The following WNT2 variants were observed in gnomAD, a reference collection of about 807,000 sequenced individuals.
WNT2 encodes protein Wnt-2.
Under a neutral mutation model 36.9 loss-of-function variants are expected in WNT2, and 12 were observed. That is an observed-to-expected ratio of 0.33 (90% confidence interval 0.21 to 0.53). The LOEUF (loss-of-function observed/expected upper bound fraction) is 0.53. Ranked by LOEUF, WNT2 falls within the 20% of genes least tolerant of loss-of-function variation. WNT2 has a pLI of 0.95. For missense variants in WNT2, 379 were observed against 473.1 expected (o/e 0.80, Z 1.84); for synonymous variants, 163 against 174.6 (o/e 0.93, Z 0.52).
intron 3 of WNT2, among the ~76,000 whole-genome samples, chr7:117,304,310 A>G (rs891468828): frequency 6.6e-6 from 1 of 151,680 alleles, no homozygotes; most frequent in Admixed American, 6.6e-5. Context: ...TTTACTTTGT[A>G]TTTTTTCCCC....
intron 3 of WNT2, among the ~76,000 whole-genome samples, chr7:117,303,301 A>G (rs1311213682): frequency 1.3e-5 from 2 of 152,190 alleles, no homozygotes; most frequent in Non-Finnish European, 2.9e-5. Context: ...CATTTCTAAG[A>G]ACGGGGAAAT....
chr7:117,288,831 G>A (rs965820788), intron 4 of WNT2, among the ~76,000 whole-genome samples: 1 of 151,860 alleles, frequency 6.6e-6, no homozygotes, highest in Non-Finnish European at 1.5e-5. Context: ...TACTAAGTTT[G>A]TATTTTAAAA....
At position 117,320,598 on chromosome 7, in the gene WNT2, A is replaced by G. The variant is rs1351823714; in HGVS notation, c.279T>C (p.Asp93=). 1.9e-6 allele frequency: 3 copies of G among 1,613,760 alleles called. No individual in the cohort carries two copies. Among genetic ancestry groups the G allele is most frequent in the Non-Finnish European group, 2.5e-6 (3 of 1,179,942 alleles). ...GTAGGACCCTGCCAAAAAGGCTGTGATCCCTGTCCAGGGTGTTGCAATTCC... is the reference window on the plus strand; with the variant it reads ...GTAGGACCCTGCCAAAAAGGCTGTGGTCCCTGTCCAGGGTGTTGCAATTCC... ...HRWNCNTLDR[D]HSLFGRVLLR... is the part of the protein sequence containing the mutation. The change falls in exon 2 of 5, where the codon GAT becomes GAC. Residue 93 remains aspartate (D), a synonymous_variant. Coordinates refer to ENST00000265441, the MANE Select transcript of WNT2 (RefSeq NM_003391.3).
At chr7:117,316,925 A>G (rs1795231629) in intron 2 of WNT2, among the ~76,000 whole-genome samples, 1 of 152,264 alleles carries the variant, frequency 6.6e-6, no homozygotes, top group African/African-American at 2.4e-5. Context: ...GGCGACTAAT[A>G]CATGCTAATG....
chr7:117,280,556 C>T (rs1794463017), intron 4 of WNT2, among the ~76,000 whole-genome samples: 1 of 152,150 alleles, frequency 6.6e-6, no homozygotes, highest in Admixed American at 6.5e-5. Flanking sequence ...ACCCACAGTA[C>T]AGTCATGTGC....
intron 2 of WNT2, among the ~76,000 whole-genome samples, chr7:117,320,178 A>G (rs1341698320): frequency 6.6e-6 from 1 of 152,356 alleles, no homozygotes; most frequent in South Asian, 2.1e-4. Context: ...TGAAGATTCT[A>G]TGCTGATGAT....
intron 3 of WNT2, among the ~76,000 whole-genome samples, chr7:117,308,265 G>A (rs1795049760): frequency 6.6e-6 from 1 of 152,162 alleles, no homozygotes; most frequent in African/African-American, 2.4e-5. Context: ...CTTGAGCACT[G>A]TCATTCTTTA....
At chr7:117,301,802 CTTT>C (rs1181700612) in intron 3 of WNT2, among the ~76,000 whole-genome samples, 1 of 112,514 alleles carries the variant, frequency 8.9e-6, no homozygotes, top group Admixed American at 9.1e-5. Context: ...TCCCTCCATT[CTTT>C]TTTTTTTTTT....
At chr7:117,289,051 CTTTT>C (rs1187027317) in intron 4 of WNT2, among the ~76,000 whole-genome samples, 1,547 of 89,194 alleles carry the variant, frequency 0.017, 8 homozygotes, top group Non-Finnish European at 0.026. Context: ...TCACGTTAGA[CTTTT>C]TTTTTTTTTT....
intron 3 of WNT2, among the ~76,000 whole-genome samples, chr7:117,304,756 C>T (rs1026392671): frequency 3.9e-5 from 6 of 152,108 alleles, no homozygotes; most frequent in Admixed American, 3.3e-4. Flanking sequence ...TTTTTAATGG[C>T]ATTCTAATTA....
At chr7:117,290,427 T>A (rs1794668088) in intron 4 of WNT2, among the ~76,000 whole-genome samples, 1 of 152,174 alleles carries the variant, frequency 6.6e-6, no homozygotes, top group South Asian at 2.1e-4. Context: ...GAAGGCTCAA[T>A]GGATAGTAAT....
At chr7:117,319,021 C>T (rs1466519501) in intron 2 of WNT2, among the ~76,000 whole-genome samples, 2 of 152,126 alleles carry the variant, frequency 1.3e-5, no homozygotes, top group African/African-American at 2.4e-5. Context: ...ATGATCATTT[C>T]ATAAATGAGA....
chr7:117,316,287 C>T (rs1289329936), intron 2 of WNT2, among the ~76,000 whole-genome samples: 1 of 152,160 alleles, frequency 6.6e-6, no homozygotes, highest in Non-Finnish European at 1.5e-5. Flanking sequence ...TCTGTAGTAA[C>T]TCATAACACG....
intron 4 of WNT2, among the ~76,000 whole-genome samples, chr7:117,292,416 C>T (rs929681415): frequency 2.0e-5 from 3 of 152,040 alleles, no homozygotes; most frequent in East Asian, 1.9e-4. Context: ...AGTAACTTTG[C>T]GGAACCTCAC....
chr7:117,286,006 C>T (rs550698941), intron 4 of WNT2, among the ~76,000 whole-genome samples: 3 of 152,082 alleles, frequency 2.0e-5, no homozygotes, highest in South Asian at 2.1e-4. Flanking sequence ...CAGGCAAAGT[C>T]GTTAAGGTTT....
intron 3 of WNT2, among the ~76,000 whole-genome samples, chr7:117,298,930 C>T (rs920291487): frequency 2.0e-5 from 3 of 152,190 alleles, no homozygotes; most frequent in Non-Finnish European, 2.9e-5. Flanking sequence ...CTCCCCAGGT[C>T]GGGCCTTGGC....
chr7:117,322,932 T>A lies in WNT2; in HGVS notation c.58A>T (p.Thr20Ser). 6.2e-7 allele frequency: 1 copy of A among 1,612,884 alleles called. No homozygotes were observed. The highest frequency in any genetic ancestry group is 8.5e-7 in the Non-Finnish European group (1 of 1,179,792). ...CACCATGAAGAGTTGACCTCGGGGG[T>A]GAGCCAGGTCAAGAGCAGAGGGAGC... is the stretch of plus-strand genomic sequence containing the variant. ...LWLPLLLTWL[T>S]PEVNSSWWYM... The change falls in exon 1 of 5, where the codon ACC (threonine) becomes TCC (serine). Residue 20 changes from threonine (T) to serine (S), a missense_variant. Transcript: ENST00000265441. This position sits in a 1 kb window ranked among gnomAD's most constrained non-coding sequence, Gnocchi z 5.4.
intron 3 of WNT2, among the ~76,000 whole-genome samples, chr7:117,309,079 G>T (rs1266736364): frequency 6.6e-6 from 1 of 151,916 alleles, no homozygotes; most frequent in South Asian, 2.1e-4. Flanking sequence ...TGTGGTTTGA[G>T]CTCCTTGGGA....
chr7:117,286,694 TAG>T (rs1425897510), intron 4 of WNT2, among the ~76,000 whole-genome samples: 1 of 152,146 alleles, frequency 6.6e-6, no homozygotes, highest in Admixed American at 6.5e-5. Context: ...GAGCAAATGT[TAG>T]AGACCGCACA....
Sources: allele counts gnomAD v4.1 joint callset (sites outside exome capture counted in the v4.1 genomes callset), GRCh38; gene constraint gnomAD v4.1.1; non-coding constraint Gnocchi (gnomAD v3.1); transcripts MANE v1.5; gene names NCBI Gene and HGNC (gene_info 2026-07-23, HGNC 2026-07-21).